Variants in ZMYND12 observed in about 807,000 individuals in gnomAD.
ZMYND12 encodes zinc finger MYND domain-containing protein 12.
Under a neutral mutation model 41.7 loss-of-function variants are expected in ZMYND12, and 32 were observed. That is an observed-to-expected ratio of 0.77 (90% confidence interval 0.58 to 1.03). The LOEUF is 1.03. Among genes scored for constraint, ZMYND12 ranks in the 50% least tolerant of loss-of-function variants. The probability of loss-of-function intolerance (pLI) is 0.00; values close to 1 mark genes in which losing one functional copy is unlikely to be tolerated. For synonymous variants in ZMYND12, 148 were observed against 164.8 expected (o/e 0.90, Z 0.78); for missense variants, 424 against 438.5 (o/e 0.97, Z 0.30).
chr1:42,450,319 C>T (rs917557079), intron 1 of ZMYND12, among the ~76,000 whole-genome samples: 1 of 152,182 alleles, frequency 6.6e-6, no homozygotes, highest in Non-Finnish European at 1.5e-5. Context: ...GGGATGCTGG[C>T]ATGCAATTGC....
At chr1:42,455,225 C>A (rs1216888390) in intron 1 of ZMYND12, among the ~76,000 whole-genome samples, 3 of 152,196 alleles carry the variant, frequency 2.0e-5, no homozygotes, top group African/African-American at 7.2e-5. Flanking sequence ...CAGGTTCTGA[C>A]TGCCCTCTCA....
intron 1 of ZMYND12, among the ~76,000 whole-genome samples, chr1:42,452,871 G>T (rs555189782): frequency 4.4e-4 from 67 of 152,232 alleles, no homozygotes; most frequent in Admixed American, 2.7e-3. Flanking sequence ...AAAATTTCAG[G>T]TTATTAATCC....
intron 1 of ZMYND12, among the ~76,000 whole-genome samples, chr1:42,452,131 C>A (rs1413833008): frequency 6.6e-6 from 1 of 152,124 alleles, no homozygotes; most frequent in Non-Finnish European, 1.5e-5. Flanking sequence ...CCTATAGCTT[C>A]CTATTATTGA....
intron 7 of ZMYND12, 156 bp downstream of exon 7, chr1:42,432,987 A>T (rs1359348217): frequency 2.3e-6 from 2 of 874,934 alleles, no homozygotes; most frequent in Non-Finnish European, 3.5e-6. Context: ...GCTAGACTCA[A>T]CACAGGAGAA....
At chr1:42,444,779 G>A (rs888588100) in intron 3 of ZMYND12, among the ~76,000 whole-genome samples, 1 of 150,318 alleles carries the variant, frequency 6.7e-6, no homozygotes, top group Non-Finnish European at 1.5e-5. Context: ...AATGGACTAA[G>A]TGCTCAGAAG....
chr1:42,445,016 G>A (rs1003869955), intron 3 of ZMYND12, among the ~76,000 whole-genome samples: 4 of 151,376 alleles, frequency 2.6e-5, no homozygotes, highest in Admixed American at 6.6e-5. Flanking sequence ...CACCGTGTTC[G>A]CCAGGATGGT....
chr1:42,438,363 C>A (rs1424347446), intron 4 of ZMYND12, among the ~76,000 whole-genome samples: 1 of 152,112 alleles, frequency 6.6e-6, no homozygotes, highest in African/African-American at 2.4e-5. Flanking sequence ...TAGTGAAACA[C>A]CAGGGACTAC....
chr1:42,438,769 G>A (rs1379858582), intron 4 of ZMYND12, among the ~76,000 whole-genome samples: 1 of 152,130 alleles, frequency 6.6e-6, no homozygotes, highest in Non-Finnish European at 1.5e-5. Flanking sequence ...TTGTACAGGC[G>A]GGCAACCAGA....
Position 42,435,329 on chromosome 1 carries a change from A to G in ZMYND12, c.774T>C (p.Ala258=), listed in dbSNP as rs375699461. 7 of 1,613,970 alleles carry G rather than the reference A, an allele frequency of 4.3e-6. No individual in the cohort carries two copies. Among genetic ancestry groups the G allele is most frequent in the Non-Finnish European group, 5.9e-6 (7 of 1,179,976 alleles). The part of the protein sequence containing the change: ...LNNHYQVLSQ[A]HIQQMDLLGK... ...CCAGTAAATCCATTTGTTGGATGTG[A>G]GCCTGTGAGAGGACTTGATAGTGAT... is the stretch of plus-strand genomic sequence containing the variant. Residue 258 remains alanine, a synonymous_variant, in exon 6 of 8, where the codon GCT becomes GCC. Transcript: ENST00000372565.
intron 1 of ZMYND12, among the ~76,000 whole-genome samples, chr1:42,454,441 T>C (rs1643121908): frequency 1.3e-5 from 2 of 152,192 alleles, no homozygotes; most frequent in Non-Finnish European, 2.9e-5. Context: ...TTGAGAGCAC[T>C]GAGGAAGGAC....
intron 5 of ZMYND12, 51 bp from the exon 6 acceptor site, chr1:42,435,436 C>A: frequency 7.0e-7 from 1 of 1,420,786 alleles, no homozygotes; most frequent in Non-Finnish European, 9.9e-7. Flanking sequence ...CCTCAGCCGT[C>A]GGACCAGGCA....
At chr1:42,435,620 G>A in intron 5 of ZMYND12, 1 of 431,154 alleles carries the variant, frequency 2.3e-6, no homozygotes, top group South Asian at 3.0e-5. Context: ...TAGCCCTAGT[G>A]GGGTCTAATA....
At chr1:42,440,366 C>T (rs955379607) in intron 3 of ZMYND12, among the ~76,000 whole-genome samples, 2 of 152,140 alleles carry the variant, frequency 1.3e-5, no homozygotes, top group Non-Finnish European at 2.9e-5. Context: ...AAACACTATA[C>T]TAAGTGAAAG....
intron 3 of ZMYND12, among the ~76,000 whole-genome samples, chr1:42,446,608 C>A (rs1429955709): frequency 1.3e-5 from 2 of 150,162 alleles, no homozygotes; most frequent in African/African-American, 4.9e-5. Context: ...GCTCAGATTG[C>A]GCCACTGCAC....
In ZMYND12 at chr1:42,430,790, G is replaced by A. The variant is rs1439502551; in HGVS notation, c.1044C>T (p.Ser348=). 4 of 1,614,054 alleles carry A rather than the reference G, an allele frequency of 2.5e-6. No individual in the cohort carries two copies. Among genetic ancestry groups the A allele is most frequent in the African/African-American group, 1.3e-5 (1 of 74,914 alleles). ...TGAGACTTAATAACTCTTGAATGGTGCTTTGCTCATGGACATCAAGCTGTT... is the reference window on the plus strand; with the variant it reads ...TGAGACTTAATAACTCTTGAATGGTACTTTGCTCATGGACATCAAGCTGTT... ...KEQQLDVHEQ[S]TIQELLSLIS... Residue 348 remains serine, a synonymous_variant, in exon 8 of 8, where the codon AGC becomes AGT. Coordinates refer to ENST00000372565, the MANE Select transcript of ZMYND12 (RefSeq NM_032257.5).
chr1:42,431,737 T>C (rs1401332339), intron 7 of ZMYND12, among the ~76,000 whole-genome samples: 1 of 152,116 alleles, frequency 6.6e-6, no homozygotes, highest in Non-Finnish European at 1.5e-5. Flanking sequence ...AATTTGAAAG[T>C]TCAGTGGAAA....
In ZMYND12 at chr1:42,446,705, T is replaced by C. The variant is rs543950351; in HGVS notation, c.424+1762A>G. On this transcript the variant is annotated intron_variant, in intron 3 of 7. Transcript: ENST00000372565. ...GAAATAAATACAGATGTAATGTGTG[T>C]ATACGTACACCCATTATTATATTTA... 6.6e-5 allele frequency among the ~76,000 whole-genome samples: 10 copies of C among 152,138 alleles called. No individual in the cohort carries two copies. In the South Asian group the frequency reaches 1.5e-3, roughly 22 times the overall value.
intron 2 of ZMYND12, 105 bp from the exon 3 acceptor site, chr1:42,448,743 G>A: frequency 8.7e-7 from 1 of 1,152,464 alleles, no homozygotes; most frequent in Non-Finnish European, 1.2e-6. Flanking sequence ...CCCAGTTAAA[G>A]GCACATAGTG....
At chr1:42,438,433 T>G (rs1642930347) in intron 4 of ZMYND12, among the ~76,000 whole-genome samples, 1 of 152,130 alleles carries the variant, frequency 6.6e-6, no homozygotes, top group South Asian at 2.1e-4. Context: ...GAAACAAGGT[T>G]ACCAGGGCCC....
Sources: gnomAD v4.1 joint callset for allele counts (sites outside exome capture counted in the v4.1 genomes callset) on GRCh38, gnomAD v4.1.1 for gene constraint, MANE v1.5 for transcripts, NCBI Gene and HGNC (gene_info 2026-07-23, HGNC 2026-07-21) for gene names.